Variants in FBXO25 observed in about 807,000 individuals in gnomAD.
FBXO25 encodes F-box only protein 25.
In FBXO25, 45 loss-of-function variants were observed where a neutral mutation model predicts 51.9. The observed-to-expected ratio is 0.87, with a 90% CI of 0.68 to 1.11. The LOEUF is 1.11. FBXO25 is among the 50% of genes most tolerant of loss of function. FBXO25 has a pLI of 0.00. For missense variants in FBXO25, 507 were observed against 428.5 expected (o/e 1.18, Z -1.62); for synonymous variants, 199 against 151.0 (o/e 1.32, Z -2.33).
At chr8:448,585 C>T (rs1037646241) in intron 5 of FBXO25, among the ~76,000 whole-genome samples, 7 of 152,192 alleles carry the variant, frequency 4.6e-5, no homozygotes, top group Non-Finnish European at 7.3e-5. Flanking sequence ...TGAGCAGTTT[C>T]GGCTGGAGAA....
chr8:456,396 C>G (rs551163722), intron 7 of FBXO25, among the ~76,000 whole-genome samples: 38 of 152,220 alleles, frequency 2.5e-4, no homozygotes, highest in African/African-American at 9.1e-4. Flanking sequence ...TCTATGTGCT[C>G]TCTGCCATAT....
At chr8:468,645 C>A in intron 9 of FBXO25, 70 bp from the exon 10 acceptor site, 1 of 1,216,674 alleles carries the variant, frequency 8.2e-7, no homozygotes, top group Non-Finnish European at 1.2e-6. Context: ...GCTGACGACC[C>A]CTCAAGCACC....
intron 7 of FBXO25, among the ~76,000 whole-genome samples, chr8:453,224 G>A (rs1799202854): frequency 6.6e-6 from 1 of 152,202 alleles, no homozygotes; most frequent in Admixed American, 6.5e-5. Flanking sequence ...ATAACACAAA[G>A]GTGCCAGTTT....
intron 5 of FBXO25, among the ~76,000 whole-genome samples, chr8:444,770 A>G (rs536341951): frequency 1.3e-5 from 2 of 152,272 alleles, no homozygotes; most frequent in African/African-American, 4.8e-5. Flanking sequence ...ATGTTTAGAT[A>G]TATTTAGATA....
At chr8:429,836 G>A (rs1421898614) in intron 2 of FBXO25, among the ~76,000 whole-genome samples, 15 of 152,334 alleles carry the variant, frequency 9.8e-5, no homozygotes, top group African/African-American at 3.6e-4. Flanking sequence ...TGCCCAAGAA[G>A]GTCACCTCCA....
Position 423,360 on chromosome 8 carries a change from T to C in FBXO25, c.135-7981T>C, listed in dbSNP as rs1472921988. Among the ~76,000 whole-genome samples, 3 of 152,182 alleles carry C rather than the reference T, an allele frequency of 2.0e-5. No individual in the cohort carries two copies. The East Asian group carries it at 5.8e-4, about 29-fold the overall frequency. ...TGTACAGATTTGTTACATGAAAATA[T>C]TGCATGAGGCTGGGGTTTGGAGTAC... On this transcript the variant is annotated intron_variant, in intron 2 of 9. Transcript: ENST00000350302.
intron 6 of FBXO25, among the ~76,000 whole-genome samples, chr8:450,449 T>A (rs978298806): frequency 2.6e-5 from 4 of 152,246 alleles, no homozygotes; most frequent in Non-Finnish European, 5.9e-5. Flanking sequence ...AATAATTTTC[T>A]TTCTAATTTA....
intron 7 of FBXO25, among the ~76,000 whole-genome samples, chr8:455,202 T>G (rs946934951): frequency 6.6e-6 from 1 of 152,152 alleles, no homozygotes; most frequent in African/African-American, 2.4e-5. Context: ...GACTCAGGGC[T>G]TTGTGGGCAT....
chr8:443,883 C>G (rs1798578727), intron 5 of FBXO25, among the ~76,000 whole-genome samples: 2 of 152,138 alleles, frequency 1.3e-5, no homozygotes, highest in African/African-American at 4.8e-5. Flanking sequence ...AAGTTGAGAT[C>G]ACTGAGGGCT....
chr8:462,775 G>C (rs1799896353), intron 8 of FBXO25, among the ~76,000 whole-genome samples: 1 of 152,234 alleles, frequency 6.6e-6, no homozygotes, highest in East Asian at 1.9e-4. Flanking sequence ...GGTGAGGGAT[G>C]AAACACTACA....
intron 2 of FBXO25, among the ~76,000 whole-genome samples, chr8:428,267 G>A (rs546101446): frequency 1.9e-3 from 283 of 152,250 alleles, no homozygotes; most frequent in African/African-American, 6.3e-3. Context: ...AGGGGGTGAC[G>A]TATGCTGTGG....
chr8:422,771 C>G (rs1360419771), intron 2 of FBXO25, among the ~76,000 whole-genome samples: 1 of 152,174 alleles, frequency 6.6e-6, no homozygotes, highest in Non-Finnish European at 1.5e-5. Flanking sequence ...CAGCACAGGG[C>G]TCGCAATGGT....
rs577303224 is a variant in FBXO25, at chr8:473,200, T to G, written c.*4396T>G. On this transcript the variant is annotated 3_prime_UTR_variant, in exon 10 of 10. Coordinates refer to ENST00000350302, the MANE Select transcript of FBXO25 (RefSeq NM_183420.2). ...AGACCCTCAACTTTGGAAAGCAGTG[T>G]CCCCCCGCGTCCCATGGGCTAAATG... is the stretch of plus-strand genomic sequence containing the variant. The G allele has an allele frequency of 6.6e-6, 1 of 152,044 alleles. No individual in the cohort carries two copies. The highest frequency in any genetic ancestry group is 1.5e-5 in the Non-Finnish European group (1 of 68,068). 9.4% of individuals were successfully genotyped at this position (152,044 alleles called of 1,614,324 possible). A position where few individuals can be genotyped will look rare whatever the true frequency, so the allele number is the denominator to read the frequency against.
chr8:427,922 G>T (rs1490058358), intron 2 of FBXO25, among the ~76,000 whole-genome samples: 1 of 151,998 alleles, frequency 6.6e-6, no homozygotes, highest in African/African-American at 2.4e-5. Flanking sequence ...TTTCTGTAAA[G>T]CCTGTGCTTA....
chr8:467,679 T>C, intron 9 of FBXO25: 4 of 1,610,548 alleles, frequency 2.5e-6, no homozygotes, highest in Non-Finnish European at 3.4e-6. Context: ...TTCCCTCCCT[T>C]CACTGCATTC....
Position 468,805 on chromosome 8 carries a change from G to T in FBXO25, c.*1G>T, listed in dbSNP as rs754015287. 1.1e-5 allele frequency: 18 copies of T among 1,613,644 alleles called. No individual in the cohort carries two copies. The highest frequency in any genetic ancestry group is 4.0e-5 in the African/African-American group (3 of 74,886). ...CTTCATCGACCTCTTCAAGTTTTAA[G>T]GGCTGCCCCTGCCATCCCTATTGGA... On this transcript the variant is annotated 3_prime_UTR_variant, in exon 10 of 10. Coordinates refer to ENST00000350302, the MANE Select transcript of FBXO25 (RefSeq NM_183420.2).
chr8:474,846 G>C lies in FBXO25; in HGVS notation c.*6042G>C, dbSNP rs1389578698. 2 of 448,332 alleles carry C rather than the reference G, an allele frequency of 4.5e-6. No homozygotes were observed. The highest frequency in any genetic ancestry group is 1.6e-5 in the South Asian group (1 of 62,514). 27.8% of individuals were successfully genotyped at this position (448,332 alleles called of 1,614,324 possible). On this transcript the variant is annotated 3_prime_UTR_variant, in exon 10 of 10. Coordinates refer to ENST00000350302, the MANE Select transcript of FBXO25 (RefSeq NM_183420.2). ...GTACAGAAGTTGTTTCTTTCTTTTAGTTACCTGTGTGTGCCTCTGGTGTCA... is the reference window on the plus strand; with the variant it reads ...GTACAGAAGTTGTTTCTTTCTTTTACTTACCTGTGTGTGCCTCTGGTGTCA...
chr8:439,975 A>T (rs2116641211), intron 5 of FBXO25, among the ~76,000 whole-genome samples: 1 of 152,274 alleles, frequency 6.6e-6, no homozygotes, highest in African/African-American at 2.4e-5. Context: ...TTTTTTTTCA[A>T]ATTTTTTCAT....
intron 2 of FBXO25, among the ~76,000 whole-genome samples, chr8:418,284 T>C (rs1161839069): frequency 6.6e-6 from 1 of 152,172 alleles, no homozygotes; most frequent in Non-Finnish European, 1.5e-5. Context: ...AGACATTTTA[T>C]TTCTTTTCCT....
Sources: allele counts gnomAD v4.1 joint callset (sites outside exome capture counted in the v4.1 genomes callset), GRCh38; gene constraint gnomAD v4.1.1; transcripts MANE v1.5; gene names NCBI Gene and HGNC (gene_info 2026-07-23, HGNC 2026-07-21).